The following RBFOX1 variants were observed in gnomAD, a reference collection of about 807,000 sequenced individuals.
The protein encoded by RBFOX1 is RNA binding fox-1 homolog 1.
A neutral mutation model predicts 57.7 loss-of-function variants in RBFOX1; 8 were observed. That is an observed-to-expected ratio of 0.14 (90% CI 0.08 to 0.25). The LOEUF (loss-of-function observed/expected upper bound fraction) is 0.25, where lower values mean the gene tolerates loss of function less well. Ranked by LOEUF, RBFOX1 falls within the 10% of genes least tolerant of loss-of-function variation. The probability of loss-of-function intolerance (pLI) is 1.00; values close to 1 mark genes in which losing one functional copy is unlikely to be tolerated. For synonymous variants in RBFOX1, 326 were observed against 222.4 expected (o/e 1.47, Z -4.15); for missense variants, 611 against 548.5 (o/e 1.11, Z -1.14).
chr16:6,908,725 C>A (rs1017400562), intron 3 of RBFOX1, among the ~76,000 whole-genome samples: 3 of 152,138 alleles, frequency 2.0e-5, no homozygotes, highest in Non-Finnish European at 4.4e-5. Context: ...AATGCCTTGT[C>A]CTCAATCCTT....
At chr16:6,530,553 C>G (rs1567574599) in intron 2 of RBFOX1, among the ~76,000 whole-genome samples, 1 of 152,112 alleles carries the variant, frequency 6.6e-6, no homozygotes, top group Non-Finnish European at 1.5e-5. Flanking sequence ...TTGTATTAGT[C>G]TATTTTCACG....
chr16:7,200,819 A>G (rs1481006657), intron 4 of RBFOX1, among the ~76,000 whole-genome samples: 3 of 152,160 alleles, frequency 2.0e-5, no homozygotes, highest in African/African-American at 7.2e-5. Context: ...AAAACACCAT[A>G]GGCCCTTTCA....
chr16:6,013,854 T>A (rs2094976549), intron 4 of RBFOX1, among the ~76,000 whole-genome samples: 1 of 149,838 alleles, frequency 6.7e-6, no homozygotes, highest in South Asian at 2.1e-4. Context: ...CAGCAAACTA[T>A]GGCAAGGAAA....
At chr16:5,461,578 G>A (rs2068789308) in intron 1 of RBFOX1, among the ~76,000 whole-genome samples, 1 of 152,212 alleles carries the variant, frequency 6.6e-6, no homozygotes, top group Non-Finnish European at 1.5e-5. Context: ...GGAAAAAGGG[G>A]CAGAGTCTGC....
At chr16:5,829,102 G>C (rs1355251820) in intron 3 of RBFOX1, among the ~76,000 whole-genome samples, 3 of 152,126 alleles carry the variant, frequency 2.0e-5, no homozygotes, top group African/African-American at 7.2e-5. Flanking sequence ...TCTAGCTCCA[G>C]CTCACACTCA....
intron 1 of RBFOX1, among the ~76,000 whole-genome samples, chr16:6,270,416 G>T (rs1288571561): frequency 2.8e-5 from 4 of 143,384 alleles, no homozygotes; most frequent in Non-Finnish European, 6.1e-5. Flanking sequence ...TCAATCAAAA[G>T]AAAGTAGGAG....
intron 4 of RBFOX1, among the ~76,000 whole-genome samples, chr16:7,078,308 C>G (rs1457301124): frequency 6.6e-6 from 1 of 152,174 alleles, no homozygotes; most frequent in African/African-American, 2.4e-5. Context: ...AATGGTTTAT[C>G]TTTGTAAAAT....
intron 4 of RBFOX1, among the ~76,000 whole-genome samples, chr16:7,215,769 G>A (rs1270288532): frequency 1.4e-5 from 2 of 141,662 alleles, no homozygotes; most frequent in Non-Finnish European, 3.0e-5. Context: ...CTGTTGTCCA[G>A]GCGGGAGTGC....
At chr16:7,271,923 C>T (rs1190462246) in intron 4 of RBFOX1, among the ~76,000 whole-genome samples, 5 of 152,144 alleles carry the variant, frequency 3.3e-5, no homozygotes, top group Non-Finnish European at 7.4e-5. Flanking sequence ...CCCAGTCCTG[C>T]TGGAAATATC....
chr16:7,236,220 A>G (rs1366283427), intron 4 of RBFOX1, among the ~76,000 whole-genome samples: 2 of 152,194 alleles, frequency 1.3e-5, no homozygotes, highest in Non-Finnish European at 2.9e-5. Flanking sequence ...TTCAAGAGTT[A>G]TATTTAGATC....
intron 1 of RBFOX1, among the ~76,000 whole-genome samples, chr16:6,142,221 A>G (rs1038804492): frequency 1.0e-4 from 13 of 125,030 alleles, no homozygotes; most frequent in African/African-American, 2.9e-4. Flanking sequence ...AAAAAATCCA[A>G]CTCTTTTTTT....
In RBFOX1 at chr16:7,565,538, C is replaced by T. The variant is rs556859197; in HGVS notation, c.271-14239C>T. Among the ~76,000 whole-genome samples, 8 of 152,244 alleles carry T rather than the reference C, an allele frequency of 5.3e-5. No individual in the cohort carries two copies. The South Asian group carries it at 6.2e-4, about 12-fold the overall frequency. On this transcript the variant is annotated intron_variant, in intron 5 of 15. Transcript: ENST00000550418. ...CCGTGGACCCTGTAAATTCACTCGG[C>T]GCCCAGCATTACTGGCTAAATCAAG...
At chr16:7,474,905 T>A (rs1160554125) in intron 4 of RBFOX1, among the ~76,000 whole-genome samples, 1 of 152,228 alleles carries the variant, frequency 6.6e-6, no homozygotes, top group Admixed American at 6.5e-5. Flanking sequence ...TCGTCTCATA[T>A]ATTTTCCAAT....
rs999080902 is a variant in RBFOX1, at chr16:6,888,023, T to G, written c.-15-164034T>G. Among the ~76,000 whole-genome samples the G allele has an allele frequency of 2.0e-5, 3 of 152,170 alleles. No homozygotes were observed. In the East Asian group the frequency reaches 5.8e-4, roughly 30 times the overall value. ...TTGGGGTTTTTGTTTGGGTGATTGA[T>G]TTGAGGTGTTTGCTTGTGTGTCTGA... On this transcript the variant is annotated intron_variant, in intron 3 of 15. Coordinates refer to ENST00000550418, the MANE Select transcript of RBFOX1 (RefSeq NM_018723.4).
At position 6,605,707 on chromosome 16, in the gene RBFOX1, C is replaced by T. The variant is rs78281567; in HGVS notation, c.-63-48896C>T. 6.0e-3 allele frequency among the ~76,000 whole-genome samples: 917 copies of T among 152,298 alleles called. 10 individuals are homozygous for T. The highest frequency in any genetic ancestry group is 8.4e-3 in the Non-Finnish European group (573 of 68,024). Reference sequence around the variant, plus strand: ...CCAGGCTCTGGGCAGGGCCTAGATGCTGTGTCAGCGAACAGGAGAGATTCA... The same window carrying T: ...CCAGGCTCTGGGCAGGGCCTAGATGTTGTGTCAGCGAACAGGAGAGATTCA... On this transcript the variant is annotated intron_variant, in intron 2 of 15. Transcript: ENST00000550418.
At chr16:7,034,013 G>C (rs751603298) in intron 3 of RBFOX1, among the ~76,000 whole-genome samples, 1 of 152,192 alleles carries the variant, frequency 6.6e-6, no homozygotes, top group African/African-American at 2.4e-5. Flanking sequence ...TCAATACTTA[G>C]TGAATACTTG....
intron 1 of RBFOX1, among the ~76,000 whole-genome samples, chr16:5,446,384 C>T (rs1334494768): frequency 6.6e-6 from 1 of 152,176 alleles, no homozygotes; most frequent in African/African-American, 2.4e-5. Flanking sequence ...TAGATTCAAA[C>T]ATGCTCACTG....
intron 2 of RBFOX1, among the ~76,000 whole-genome samples, chr16:6,335,014 T>TG (rs2083457727): frequency 6.6e-6 from 1 of 152,252 alleles, no homozygotes; most frequent in Non-Finnish European, 1.5e-5. Context: ...ACAGTTCAGT[T>TG]GGGAATACCT....
intron 4 of RBFOX1, among the ~76,000 whole-genome samples, chr16:5,925,491 A>G (rs1056330806): frequency 6.6e-6 from 1 of 152,214 alleles, no homozygotes; most frequent in Non-Finnish European, 1.5e-5. Context: ...ATGGTTGAAC[A>G]TAAACTTGGA....
Sources: gnomAD v4.1 joint callset for allele counts (sites outside exome capture counted in the v4.1 genomes callset) on GRCh38, gnomAD v4.1.1 for gene constraint, MANE v1.5 for transcripts, NCBI Gene and HGNC (gene_info 2026-07-23, HGNC 2026-07-21) for gene names.